L3MBTL4: variants seen among roughly 807,000 people sequenced by gnomAD.
L3MBTL4 encodes the protein lethal(3)malignant brain tumor-like protein 4.
L3MBTL4 carries 70 observed loss-of-function variants against 84.5 expected under a neutral mutation model. The ratio of observed to expected loss-of-function variants is 0.83; its 90% CI spans 0.68 to 1.01. L3MBTL4 has a LOEUF of 1.01. Ranked by LOEUF, L3MBTL4 falls within the 50% of genes least tolerant of loss-of-function variation. The pLI is 0.00. For synonymous variants in L3MBTL4, 274 were observed against 259.8 expected (o/e 1.05, Z -0.52); for missense variants, 715 against 754.8 (o/e 0.95, Z 0.62).
chr18:6,386,123 C>G (rs1029384569), intron 1 of L3MBTL4, among the ~76,000 whole-genome samples: 2 of 152,122 alleles, frequency 1.3e-5, no homozygotes, highest in Non-Finnish European at 2.9e-5. Context: ...AGATAGCACA[C>G]CAAGCACACA....
intron 5 of L3MBTL4, among the ~76,000 whole-genome samples, chr18:6,256,050 T>G (rs2048126023): frequency 6.6e-6 from 1 of 152,264 alleles, no homozygotes. Flanking sequence ...AAACACTTGG[T>G]ATCTGACTAA....
intron 10 of L3MBTL4, among the ~76,000 whole-genome samples, chr18:6,232,155 C>A (rs2047024471): frequency 6.6e-6 from 1 of 151,962 alleles, no homozygotes; most frequent in Non-Finnish European, 1.5e-5. Flanking sequence ...GTGGTTTTTT[C>A]TCTACATTTT....
chr18:6,360,662 T>C lies in L3MBTL4; in HGVS notation c.-90-48606A>G, dbSNP rs114261764. On this transcript the variant is annotated intron_variant, in intron 1 of 18. Transcript: ENST00000317931. ...TGTATGGGGTTAAACTGCTTTCCCA[T>C]ACATTATCTGATTTGATGCTCTCAA... Among the ~76,000 whole-genome samples, 641 of 152,128 alleles carry C rather than the reference T, an allele frequency of 4.2e-3. 9 individuals are homozygous for C. The highest frequency in any genetic ancestry group is 0.015 in the African/African-American group (618 of 41,492).
intron 16 of L3MBTL4, among the ~76,000 whole-genome samples, chr18:5,971,657 G>A (rs2052648615): frequency 6.6e-6 from 1 of 152,204 alleles, no homozygotes; most frequent in Non-Finnish European, 1.5e-5. Context: ...AAACCGGAAA[G>A]CTGTGTGCTC....
At chr18:6,352,712 GC>G (rs2053254537) in intron 1 of L3MBTL4, among the ~76,000 whole-genome samples, 2 of 152,110 alleles carry the variant, frequency 1.3e-5, no homozygotes, top group Non-Finnish European at 2.9e-5. Flanking sequence ...GCAAAGGGAT[GC>G]TATATCATGA....
intron 16 of L3MBTL4, among the ~76,000 whole-genome samples, chr18:6,008,112 G>A (rs533494686): frequency 6.6e-6 from 1 of 152,268 alleles, no homozygotes; most frequent in South Asian, 2.1e-4. Context: ...TGCTTGATCT[G>A]GAGAAATCAT....
chr18:6,076,727 A>C (rs2057866979), intron 16 of L3MBTL4, among the ~76,000 whole-genome samples: 1 of 152,234 alleles, frequency 6.6e-6, no homozygotes, highest in Non-Finnish European at 1.5e-5. Flanking sequence ...AGGATTTATC[A>C]ACAATGCTTA....
chr18:6,237,656 A>T (rs953867987), intron 10 of L3MBTL4, among the ~76,000 whole-genome samples: 1 of 151,656 alleles, frequency 6.6e-6, no homozygotes, highest in African/African-American at 2.4e-5. Context: ...GGGTTTCACC[A>T]TATTGGCCAG....
At chr18:6,086,761 T>C (rs2058273052) in intron 15 of L3MBTL4, among the ~76,000 whole-genome samples, 1 of 152,202 alleles carries the variant, frequency 6.6e-6, no homozygotes, top group African/African-American at 2.4e-5. Flanking sequence ...GTCAACCAAC[T>C]GTGATTTTCT....
At chr18:6,119,366 A>G (rs1598811869) in intron 14 of L3MBTL4, among the ~76,000 whole-genome samples, 1 of 152,180 alleles carries the variant, frequency 6.6e-6, no homozygotes, top group African/African-American at 2.4e-5. Flanking sequence ...AGTCTAACAC[A>G]CAGATTTTCC....
intron 16 of L3MBTL4, among the ~76,000 whole-genome samples, chr18:6,012,720 C>T (rs1489789520): frequency 6.6e-6 from 1 of 151,840 alleles, no homozygotes; most frequent in African/African-American, 2.4e-5. Context: ...CTGCAGTGAG[C>T]TATGACTGCG....
chr18:6,265,701 GAAATAAGTTAGGCACAGAA>G lies in L3MBTL4; in HGVS notation c.128-1682_128-1664del, dbSNP rs1568406885. ...CTAAGTGAAATAAGTTAGGCACAGT[GAAATAAGTTAGGCACAGAA>G]AAATAAATACTGCATGATCTTATAG... On this transcript the variant is annotated intron_variant, in intron 4 of 18. Transcript: ENST00000317931. Among the ~76,000 whole-genome samples, 11 of 150,086 alleles carry G rather than the reference GAAATAAGTTAGGCACAGAA, an allele frequency of 7.3e-5. No homozygotes were observed. In the South Asian group the frequency reaches 2.3e-3, roughly 31 times the overall value.
intron 1 of L3MBTL4, among the ~76,000 whole-genome samples, chr18:6,409,800 C>G (rs1028825516): frequency 6.6e-6 from 1 of 152,162 alleles, no homozygotes; most frequent in African/African-American, 2.4e-5. Flanking sequence ...CCTATTTCCC[C>G]TAGGGCTCAC....
At chr18:5,988,842 T>C (rs996397350) in intron 16 of L3MBTL4, among the ~76,000 whole-genome samples, 11 of 152,146 alleles carry the variant, frequency 7.2e-5, no homozygotes, top group African/African-American at 2.4e-4. Flanking sequence ...ACTGGTAGTT[T>C]TACAAGGTCC....
chr18:6,104,783 A>C (rs2058947136), intron 14 of L3MBTL4, among the ~76,000 whole-genome samples: 1 of 152,268 alleles, frequency 6.6e-6, no homozygotes, highest in African/African-American at 2.4e-5. Flanking sequence ...CATAGTCTTC[A>C]GATAAACACT....
chr18:6,362,311 GAAAGAAAGAAAAGA>G (rs990564260), intron 1 of L3MBTL4, among the ~76,000 whole-genome samples: 15 of 149,436 alleles, frequency 1.0e-4, no homozygotes, highest in African/African-American at 3.2e-4. Flanking sequence ...GAAGAGGGAG[GAAAGAAAGAAAAGA>G]AAAGAAAGAA....
chr18:6,313,983 A>G (rs1276783634), intron 1 of L3MBTL4, among the ~76,000 whole-genome samples: 2 of 152,238 alleles, frequency 1.3e-5, no homozygotes, highest in African/African-American at 4.8e-5. Context: ...GGAATCAAAT[A>G]CAAGAGACCA....
At chr18:6,160,670 G>T (rs2043295100) in intron 13 of L3MBTL4, among the ~76,000 whole-genome samples, 1 of 150,216 alleles carries the variant, frequency 6.7e-6, no homozygotes, top group South Asian at 2.1e-4. Flanking sequence ...GGCGGAGGTT[G>T]CAGTGAGCTG....
intron 13 of L3MBTL4, among the ~76,000 whole-genome samples, chr18:6,168,518 A>G (rs1041983444): frequency 4.6e-5 from 7 of 152,200 alleles, no homozygotes; most frequent in Admixed American, 1.3e-4. Context: ...CTCAGAAATA[A>G]TGCTGCATAT....
Sources: allele counts gnomAD v4.1 joint callset (sites outside exome capture counted in the v4.1 genomes callset), GRCh38; gene constraint gnomAD v4.1.1; transcripts MANE v1.5; gene names NCBI Gene and HGNC (gene_info 2026-07-23, HGNC 2026-07-21).